HPSE2: variants seen among roughly 807,000 people sequenced by gnomAD.
HPSE2 encodes the protein heparanase 2 (inactive), also known as inactive heparanase-2.
A neutral mutation model predicts 60.5 loss-of-function variants in HPSE2; 38 were observed. That is an observed-to-expected ratio of 0.63 (90% CI 0.48 to 0.82). The LOEUF is 0.82. HPSE2 is among the 40% of genes least tolerant of loss of function. The pLI is 0.00. For synonymous variants in HPSE2, 295 were observed against 293.2 expected (o/e 1.01, Z -0.06); for missense variants, 713 against 740.4 (o/e 0.96, Z 0.43).
At chr10:99,030,634 T>C (rs1957478385) in intron 3 of HPSE2, among the ~76,000 whole-genome samples, 1 of 152,302 alleles carries the variant, frequency 6.6e-6, no homozygotes. Flanking sequence ...GCAATCCCAC[T>C]GCTGGCTATA....
intron 6 of HPSE2, among the ~76,000 whole-genome samples, chr10:98,669,932 G>GA (rs1375199155): frequency 4.6e-5 from 7 of 152,162 alleles, no homozygotes; most frequent in African/African-American, 1.7e-4. Flanking sequence ...TTGAGATGGG[G>GA]AGAAAAGATT....
chr10:99,142,989 C>T (rs1564841190), intron 3 of HPSE2, among the ~76,000 whole-genome samples: 2 of 152,046 alleles, frequency 1.3e-5, no homozygotes, highest in Admixed American at 1.3e-4. Flanking sequence ...CACACATGCA[C>T]AAATACATAT....
intron 3 of HPSE2, among the ~76,000 whole-genome samples, chr10:99,101,287 G>A (rs1435378250): frequency 2.0e-5 from 3 of 152,144 alleles, no homozygotes; most frequent in Non-Finnish European, 2.9e-5. Context: ...TAAAGGGATG[G>A]AGGAAGATCT....
At chr10:99,179,356 T>C (rs771778804) in intron 2 of HPSE2, among the ~76,000 whole-genome samples, 1 of 152,180 alleles carries the variant, frequency 6.6e-6, no homozygotes, top group Non-Finnish European at 1.5e-5. Flanking sequence ...GACATGATTG[T>C]ATATTTAGAA....
chr10:98,714,817 T>C (rs549415148), intron 5 of HPSE2, among the ~76,000 whole-genome samples: 34 of 151,962 alleles, frequency 2.2e-4, no homozygotes, highest in African/African-American at 7.9e-4. Flanking sequence ...CGGGTTGCAA[T>C]TTTTCTACAT....
intron 2 of HPSE2, among the ~76,000 whole-genome samples, chr10:99,216,792 T>C (rs1849145635): frequency 6.6e-6 from 1 of 152,084 alleles, no homozygotes; most frequent in African/African-American, 2.4e-5. Flanking sequence ...CATGTAACTG[T>C]GAAAATTCCT....
intron 3 of HPSE2, among the ~76,000 whole-genome samples, chr10:98,816,505 G>T (rs1308639668): frequency 6.6e-6 from 1 of 152,100 alleles, no homozygotes; most frequent in Non-Finnish European, 1.5e-5. Flanking sequence ...GGTAACTAAG[G>T]CTAAGGCTTT....
the HPSE2 span, among the ~76,000 whole-genome samples, chr10:99,288,748 C>CAAAAA: frequency 0.039 from 2,763 of 71,406 alleles, 1 homozygote; most frequent in East Asian, 0.051. Flanking sequence ...CAGCCTCAAG[C>CAAAAA]AAAAAAAAAA....
At chr10:99,264,616 T>G in the HPSE2 span, among the ~76,000 whole-genome samples, 1 of 152,102 alleles carries the variant, frequency 6.6e-6, no homozygotes, top group Admixed American at 6.5e-5. Flanking sequence ...AATAATTACA[T>G]TGAACCCCCT....
At chr10:99,256,446 T>C in the HPSE2 span, among the ~76,000 whole-genome samples, 1 of 140,284 alleles carries the variant, frequency 7.1e-6, no homozygotes, top group Non-Finnish European at 1.6e-5. Flanking sequence ...ATCTTAGACT[T>C]CCCAGCGTCT....
At chr10:99,284,042 A>G in the HPSE2 span, among the ~76,000 whole-genome samples, 1 of 152,170 alleles carries the variant, frequency 6.6e-6, no homozygotes, top group Non-Finnish European at 1.5e-5. Flanking sequence ...GGCCACCATT[A>G]CCCTGTTATC....
At chr10:99,011,625 A>G (rs1308795092) in intron 3 of HPSE2, among the ~76,000 whole-genome samples, 1 of 151,860 alleles carries the variant, frequency 6.6e-6, no homozygotes, top group Non-Finnish European at 1.5e-5. Context: ...GCATGGTGGC[A>G]TGTGCTGGTA....
At chr10:99,199,839 T>C (rs1223907838) in intron 2 of HPSE2, among the ~76,000 whole-genome samples, 1 of 152,158 alleles carries the variant, frequency 6.6e-6, no homozygotes, top group Non-Finnish European at 1.5e-5. Context: ...GAGATTCTGA[T>C]AGGGATTGCA....
At chr10:99,183,324 T>G (rs1324305076) in intron 2 of HPSE2, among the ~76,000 whole-genome samples, 1 of 152,192 alleles carries the variant, frequency 6.6e-6, no homozygotes, top group Non-Finnish European at 1.5e-5. Flanking sequence ...TATGCATATA[T>G]GTAAGGATAC....
chr10:98,720,396 C>T (rs1370160079), intron 5 of HPSE2, among the ~76,000 whole-genome samples: 1 of 151,914 alleles, frequency 6.6e-6, no homozygotes, highest in East Asian at 1.9e-4. Flanking sequence ...TCATAGTTAA[C>T]AGAATTCAAG....
At chr10:99,068,576 G>A (rs1252088819) in intron 3 of HPSE2, among the ~76,000 whole-genome samples, 6 of 152,072 alleles carry the variant, frequency 3.9e-5, no homozygotes, top group Non-Finnish European at 7.4e-5. Context: ...CCCCACATGT[G>A]GATTATTACA....
Position 99,174,920 on chromosome 10 carries a change from A to C in HPSE2, c.449-30521T>G, listed in dbSNP as rs543872490. On this transcript the variant is annotated intron_variant, in intron 2 of 11. Coordinates refer to ENST00000370552, the MANE Select transcript of HPSE2 (RefSeq NM_021828.5). Reference sequence around the variant, plus strand: ...CATTTCCAACCGAGGTATCCGGTTCATCTCACTGGGACTGGTTAGACAGTG... The same window carrying C: ...CATTTCCAACCGAGGTATCCGGTTCCTCTCACTGGGACTGGTTAGACAGTG... 8.5e-5 allele frequency among the ~76,000 whole-genome samples: 13 copies of C among 152,322 alleles called. No homozygotes were observed. The South Asian group carries it at 2.7e-3, about 32-fold the overall frequency.
At chr10:99,262,246 G>A in the HPSE2 span, among the ~76,000 whole-genome samples, 2 of 152,070 alleles carry the variant, frequency 1.3e-5, no homozygotes, top group Non-Finnish European at 2.9e-5. Context: ...TGATGGCCAG[G>A]TTTCTAAACC....
At chr10:99,150,337 A>T (rs79953590) in intron 2 of HPSE2, among the ~76,000 whole-genome samples, 2 of 152,090 alleles carry the variant, frequency 1.3e-5, no homozygotes, top group Non-Finnish European at 2.9e-5. Context: ...AGCCAAAAAA[A>T]TTTTTTAAGA....
Sources: gnomAD v4.1 joint callset for allele counts (sites outside exome capture counted in the v4.1 genomes callset) on GRCh38, gnomAD v4.1.1 for gene constraint, MANE v1.5 for transcripts, NCBI Gene and HGNC (gene_info 2026-07-23, HGNC 2026-07-21) for gene names.